PER3: variants seen among roughly 807,000 people sequenced by gnomAD.
The protein encoded by PER3 is period circadian regulator 3, also known as period circadian protein homolog 3.
Under a neutral mutation model 127.2 loss-of-function variants are expected in PER3, and 107 were observed. The observed-to-expected ratio is 0.84, with a 90% CI of 0.72 to 0.99. The LOEUF (loss-of-function observed/expected upper bound fraction) is 0.99, where lower values mean the gene tolerates loss of function less well. Among genes scored for constraint, PER3 ranks in the 50% least tolerant of loss-of-function variants. The probability of loss-of-function intolerance (pLI) is 0.00; values close to 1 mark genes in which losing one functional copy is unlikely to be tolerated. For synonymous variants in PER3, 618 were observed against 585.8 expected (o/e 1.05, Z -0.79); for missense variants, 1,560 against 1,525.8 (o/e 1.02, Z -0.37).
chr1:7,819,689 C>T (rs958680638), intron 14 of PER3, among the ~76,000 whole-genome samples: 4 of 152,140 alleles, frequency 2.6e-5, no homozygotes, highest in Non-Finnish European at 5.9e-5. Context: ...GCAAGCTTCT[C>T]CAACCCATGG....
chr1:7,816,183 T>C (rs1397923157), intron 13 of PER3, among the ~76,000 whole-genome samples: 3 of 151,638 alleles, frequency 2.0e-5, no homozygotes, highest in Non-Finnish European at 4.4e-5. Flanking sequence ...AAGAACAAAT[T>C]GTTTCACAAG....
Position 7,829,935 on chromosome 1 carries a change from CAG to C in PER3, c.2989_2990del (p.Ser997ArgfsTer85). 1.0e-5 allele frequency: 13 copies of C among 1,279,674 alleles called. No individual in the cohort carries two copies. The highest frequency in any genetic ancestry group is 7.0e-6 in the Non-Finnish European group (7 of 998,316). The allele number at this position is 1,279,674 out of a possible 1,614,324, so 79.3% of individuals were successfully genotyped here. ...PRENPSHPTA[S>X]ALSTGSPPMK... ...GGGAGAATCCATCCCATCCTACTGC[CAG>C]CGCTCTGTCCACAGGATCGCCTCCC... On this transcript the variant is annotated frameshift_variant, in exon 19 of 22. Transcript: ENST00000377532. LOFTEE classifies it high-confidence loss of function.
chr1:7,815,991 C>CAAAAAAAAAAAAAAAAAAAAAAA lies in PER3; in HGVS notation c.1523-3290_1523-3268dup, dbSNP rs34144861. Among the ~76,000 whole-genome samples, 12 of 67,658 alleles carry CAAAAAAAAAAAAAAAAAAAAAAA rather than the reference C, an allele frequency of 1.8e-4. No homozygotes were observed. In the East Asian group the frequency reaches 2.3e-3, roughly 13 times the overall value. The allele number at this position is 67,658 out of a possible 152,430, so 44.4% of individuals were successfully genotyped here. On this transcript the variant is annotated intron_variant, in intron 13 of 21. Transcript: ENST00000377532. ...CTGGGCGACAGAGCGGACTCCGTCT[C>CAAAAAAAAAAAAAAAAAAAAAAA]AAAAAAAAAAAAAAAAAAAAAAAAA...
chr1:7,790,773 C>T (rs2150496959), intron 5 of PER3, among the ~76,000 whole-genome samples: 1 of 152,298 alleles, frequency 6.6e-6, no homozygotes, highest in East Asian at 1.9e-4. Flanking sequence ...GGTAAATACA[C>T]CCATTTCAAA....
intron 13 of PER3, among the ~76,000 whole-genome samples, chr1:7,817,052 C>T (rs929373339): frequency 1.3e-5 from 2 of 152,140 alleles, no homozygotes; most frequent in African/African-American, 2.4e-5. Flanking sequence ...TGAAAGAAGG[C>T]AGAACCAAAA....
At chr1:7,816,714 A>G (rs564475636) in intron 13 of PER3, among the ~76,000 whole-genome samples, 15 of 152,346 alleles carry the variant, frequency 9.8e-5, no homozygotes, top group Non-Finnish European at 1.9e-4. Flanking sequence ...GCACTCACCT[A>G]TTGTTGGAGG....
chr1:7,830,254 A>T lies in PER3; in HGVS notation c.3214+93A>T, dbSNP rs962141772. On this transcript the variant is annotated intron_variant, in intron 19 of 21. Coordinates refer to ENST00000377532, the MANE Select transcript of PER3 (RefSeq NM_001377275.1). Reference sequence around the variant, plus strand: ...CTGTGTGCCCCAGGCACTGATGTGGAAGTACAAGGTTTTTTTTTCTTTTTC... The same window carrying T: ...CTGTGTGCCCCAGGCACTGATGTGGTAGTACAAGGTTTTTTTTTCTTTTTC... The T allele has an allele frequency of 2.6e-6, 3 of 1,135,658 alleles. No homozygotes were observed. In the African/African-American group the frequency reaches 4.6e-5, roughly 18 times the overall value. 70.3% of individuals were successfully genotyped at this position (1,135,658 alleles called of 1,614,324 possible). A position where few individuals can be genotyped will look rare whatever the true frequency, so the allele number is the denominator to read the frequency against.
intron 7 of PER3, 109 bp downstream of exon 7, chr1:7,798,782 GAC>G (rs1285126588): frequency 1.4e-5 from 12 of 853,694 alleles, no homozygotes; most frequent in Non-Finnish European, 2.3e-5. Context: ...TCTCCAATTT[GAC>G]CCTTAAACTC....
chr1:7,835,584 T>A (rs1218524789), intron 19 of PER3, among the ~76,000 whole-genome samples, 178 bp from the exon 20 acceptor site: 1 of 152,050 alleles, frequency 6.6e-6, no homozygotes, highest in Non-Finnish European at 1.5e-5. Context: ...GAAAAAGAGA[T>A]CTCAGGAAGA....
At chr1:7,803,596 C>A (rs1174146802) in intron 9 of PER3, 96 bp from the exon 10 acceptor site, 3 of 799,396 alleles carry the variant, frequency 3.8e-6, no homozygotes, top group South Asian at 1.9e-5. Context: ...TCAAAAAAAA[C>A]CACTAAAACA....
At chr1:7,823,280 T>C (rs1282876722) in intron 16 of PER3, among the ~76,000 whole-genome samples, 1 of 152,234 alleles carries the variant, frequency 6.6e-6, no homozygotes, top group Non-Finnish European at 1.5e-5. Context: ...CTTTTCATAA[T>C]GACAAGGTGG....
chr1:7,801,601 T>C (rs1168654413), intron 8 of PER3, among the ~76,000 whole-genome samples: 1 of 152,210 alleles, frequency 6.6e-6, no homozygotes, highest in Non-Finnish European at 1.5e-5. Context: ...TGATGAAATT[T>C]CAGTTAGTCT....
intron 5 of PER3, among the ~76,000 whole-genome samples, chr1:7,789,206 T>A (rs1053485181): frequency 1.3e-5 from 2 of 151,330 alleles, no homozygotes; most frequent in African/African-American, 2.4e-5. Flanking sequence ...AAAAAAAAAA[T>A]TCATTGTAGT....
chr1:7,827,023 C>T (rs1237202601), intron 17 of PER3, 95 bp from the exon 18 acceptor site: 2 of 944,626 alleles, frequency 2.1e-6, no homozygotes, highest in African/African-American at 1.7e-5. Context: ...GGCAAATGCT[C>T]ATTCGTCAGC....
intron 16 of PER3, among the ~76,000 whole-genome samples, chr1:7,822,427 G>A (rs2151060648): frequency 6.6e-6 from 1 of 151,788 alleles, no homozygotes; most frequent in Admixed American, 6.6e-5. Flanking sequence ...GCTAATTTTT[G>A]TATTTTTAGT....
At chr1:7,818,613 A>G (rs546596202) in intron 13 of PER3, among the ~76,000 whole-genome samples, 80 of 152,292 alleles carry the variant, frequency 5.3e-4, no homozygotes, top group Non-Finnish European at 1.0e-3. Flanking sequence ...TTAGTGCTTA[A>G]GCCTGGAGGT....
intron 9 of PER3, among the ~76,000 whole-genome samples, 159 bp downstream of exon 9, chr1:7,803,312 G>A (rs2097178694): frequency 6.6e-6 from 1 of 151,802 alleles, no homozygotes; most frequent in African/African-American, 2.4e-5. Flanking sequence ...AAACAGGCCA[G>A]GCACAGTGGG....
intron 18 of PER3, among the ~76,000 whole-genome samples, chr1:7,828,047 GTTT>G (rs1418486517): frequency 6.6e-6 from 1 of 152,134 alleles, no homozygotes. Flanking sequence ...ACTTTGTGAG[GTTT>G]TTTCCAAAGT....
At chr1:7,822,974 A>C (rs2097284249) in intron 16 of PER3, among the ~76,000 whole-genome samples, 1 of 152,132 alleles carries the variant, frequency 6.6e-6, no homozygotes, top group Non-Finnish European at 1.5e-5. Context: ...CAGGAGGATC[A>C]ATTGAGCCTA....
Sources: gnomAD v4.1 joint callset for allele counts (sites outside exome capture counted in the v4.1 genomes callset) on GRCh38, gnomAD v4.1.1 for gene constraint, MANE v1.5 for transcripts, NCBI Gene and HGNC (gene_info 2026-07-23, HGNC 2026-07-21) for gene names.